CDH18: variants seen among roughly 807,000 people sequenced by gnomAD.
The protein encoded by CDH18 is cadherin 18.
In CDH18, 31 loss-of-function variants were observed where a neutral mutation model predicts 67.9. The observed-to-expected ratio is 0.46, with a 90% CI of 0.34 to 0.62. CDH18 has a LOEUF of 0.62. Among genes scored for constraint, CDH18 ranks in the 20% least tolerant of loss-of-function variants. CDH18 has a pLI of 0.01. For synonymous variants in CDH18, 362 were observed against 347.2 expected, an observed-to-expected ratio of 1.04 and a Z score of -0.48; for missense variants, 890 against 975.5, an observed-to-expected ratio of 0.91 and a Z score of 1.17.
intron 2 of CDH18, among the ~76,000 whole-genome samples, chr5:20,025,062 T>G (rs546889493): frequency 6.6e-6 from 1 of 152,322 alleles, no homozygotes; most frequent in Non-Finnish European, 1.5e-5. Flanking sequence ...CCTTGAACGT[T>G]CTGTTCCTTC....
intron 3 of CDH18, among the ~76,000 whole-genome samples, chr5:19,778,889 A>G (rs1324912249): frequency 1.3e-5 from 2 of 152,070 alleles, no homozygotes; most frequent in Non-Finnish European, 2.9e-5. Context: ...TCCTTTTTCT[A>G]CATGTATTAT....
At chr5:20,423,471 T>G (rs921655996) in intron 1 of CDH18, among the ~76,000 whole-genome samples, 3 of 151,116 alleles carry the variant, frequency 2.0e-5, no homozygotes, top group Admixed American at 1.3e-4. Context: ...GTGGAAAAAC[T>G]GTGTCTTGAA....
At chr5:19,758,518 C>G (rs1771922292) in intron 3 of CDH18, among the ~76,000 whole-genome samples, 1 of 152,190 alleles carries the variant, frequency 6.6e-6, no homozygotes, top group Non-Finnish European at 1.5e-5. Flanking sequence ...TGCACAGAAG[C>G]CTGGATCTGT....
chr5:19,700,870 A>G (rs1763150562), intron 5 of CDH18, among the ~76,000 whole-genome samples: 1 of 152,168 alleles, frequency 6.6e-6, no homozygotes, highest in Non-Finnish European at 1.5e-5. Context: ...TCTGATTCAG[A>G]GAAAAAAATT....
intron 2 of CDH18, among the ~76,000 whole-genome samples, chr5:20,001,768 G>A (rs1200491238): frequency 1.3e-5 from 2 of 152,096 alleles, no homozygotes; most frequent in African/African-American, 4.8e-5. Context: ...GTAGGTAATT[G>A]AGAATTACAC....
At chr5:20,166,126 T>C (rs1052618361) in intron 2 of CDH18, among the ~76,000 whole-genome samples, 3 of 151,796 alleles carry the variant, frequency 2.0e-5, no homozygotes, top group Admixed American at 6.6e-5. Flanking sequence ...TCCTTTACTT[T>C]AAACAAACAA....
intron 3 of CDH18, among the ~76,000 whole-genome samples, chr5:19,747,720 T>A (rs1770213167): frequency 6.6e-6 from 1 of 150,530 alleles, no homozygotes; most frequent in Admixed American, 6.7e-5. Flanking sequence ...AAGAGGCACA[T>A]ATTTAAGTCA....
At chr5:19,815,583 G>T (rs1020521749) in intron 3 of CDH18, among the ~76,000 whole-genome samples, 6 of 151,752 alleles carry the variant, frequency 4.0e-5, no homozygotes, top group African/African-American at 1.4e-4. Flanking sequence ...ATTGAAGGTT[G>T]TCTTCTAAGT....
chr5:19,835,247 C>T (rs1459218140), intron 3 of CDH18, among the ~76,000 whole-genome samples: 2 of 152,158 alleles, frequency 1.3e-5, no homozygotes, highest in East Asian at 3.9e-4. Flanking sequence ...TGAAAGCCAT[C>T]ATCCTCAGCA....
chr5:20,142,794 G>A (rs769686287), intron 2 of CDH18, among the ~76,000 whole-genome samples: 20 of 152,138 alleles, frequency 1.3e-4, no homozygotes, highest in South Asian at 6.2e-4. Flanking sequence ...TCTTTTCCCC[G>A]GCTCTCATGA....
intron 2 of CDH18, among the ~76,000 whole-genome samples, chr5:20,126,927 TA>T (rs1269319980): frequency 3.3e-5 from 5 of 152,290 alleles, no homozygotes; most frequent in African/African-American, 1.2e-4. Context: ...AGAACTACCA[TA>T]AAATCTAGTA....
At chr5:19,536,379 G>A (rs1412135019) in intron 9 of CDH18, among the ~76,000 whole-genome samples, 2 of 152,182 alleles carry the variant, frequency 1.3e-5, no homozygotes, top group Non-Finnish European at 2.9e-5. Flanking sequence ...GTCACTGAAA[G>A]ATGAAAGGGT....
chr5:20,389,903 A>C (rs1744684671), intron 1 of CDH18, among the ~76,000 whole-genome samples: 1 of 152,232 alleles, frequency 6.6e-6, no homozygotes, highest in Non-Finnish European at 1.5e-5. Context: ...TTCCCTATTT[A>C]ATAAATGGTG....
chr5:20,467,534 A>C (rs186277565), intron 1 of CDH18, among the ~76,000 whole-genome samples: 21 of 152,332 alleles, frequency 1.4e-4, no homozygotes, highest in Admixed American at 1.4e-3. Flanking sequence ...CAATAGTTTC[A>C]GCCATGGTAA....
rs1799747916 is a variant in CDH18, at chr5:19,988,134, G to A, written c.-424C>T. ...TGGAAAGGAACTTAATTTATAAGAA[G>A]CAAAGAGAGGGGACTTTCCCAGAGC... On this transcript the variant is annotated 5_prime_UTR_variant, in exon 1 of 13. Transcript: ENST00000382275. 1 of 152,144 alleles carries A rather than the reference G, an allele frequency of 6.6e-6. No homozygotes were observed. Among genetic ancestry groups the A allele is most frequent in the Admixed American group, 6.6e-5 (1 of 15,264 alleles). 9.4% of individuals were successfully genotyped at this position (152,144 alleles called of 1,614,324 possible).
chr5:20,543,722 C>G (rs1757181137), intron 1 of CDH18, among the ~76,000 whole-genome samples: 2 of 152,114 alleles, frequency 1.3e-5, no homozygotes, highest in African/African-American at 4.8e-5. Context: ...CTTCCACAAA[C>G]TTTACTCTCT....
At chr5:20,255,538 A>G (rs1744166305) in intron 1 of CDH18, 2 of 152,172 alleles carry the variant, frequency 1.3e-5, no homozygotes, top group Admixed American at 1.3e-4. Context: ...TATAAAACAT[A>G]TTCAACACAT....
intron 3 of CDH18, among the ~76,000 whole-genome samples, chr5:19,835,316 C>T (rs1283214717): frequency 6.6e-6 from 1 of 152,000 alleles, no homozygotes; most frequent in Non-Finnish European, 1.5e-5. Flanking sequence ...GGGAGTTGAA[C>T]ATTGAGAACA....
chr5:20,380,177 G>T (rs1488007277), intron 1 of CDH18, among the ~76,000 whole-genome samples: 1 of 152,030 alleles, frequency 6.6e-6, no homozygotes, highest in African/African-American at 2.4e-5. Flanking sequence ...TTTGATGGAT[G>T]GGTCAAAATT....
Sources: gnomAD v4.1 joint callset for allele counts (sites outside exome capture counted in the v4.1 genomes callset) on GRCh38, gnomAD v4.1.1 for gene constraint, MANE v1.5 for transcripts, NCBI Gene and HGNC (gene_info 2026-07-23, HGNC 2026-07-21) for gene names.